Variants in ABRAXAS1 observed in about 807,000 individuals in gnomAD.
ABRAXAS1 encodes the protein BRCA1-A complex subunit Abraxas 1.
Under a neutral mutation model 38.4 loss-of-function variants are expected in ABRAXAS1, and 26 were observed. The observed-to-expected ratio is 0.68, with a 90% CI of 0.50 to 0.94. The LOEUF (loss-of-function observed/expected upper bound fraction) is 0.94, where lower values mean the gene tolerates loss of function less well. Among genes scored for constraint, ABRAXAS1 ranks in the 40% least tolerant of loss-of-function variants. The pLI, the probability that ABRAXAS1 is intolerant of heterozygous loss-of-function variation, is 0.00. For missense variants in ABRAXAS1, 438 were observed against 481.9 expected (o/e 0.91, Z 0.85); for synonymous variants, 144 against 165.5 (o/e 0.87, Z 1.00).
chr4:83,465,414 G>A (rs192421269), intron 7 of ABRAXAS1, among the ~76,000 whole-genome samples: 182 of 151,938 alleles, frequency 1.2e-3, no homozygotes, highest in Non-Finnish European at 2.3e-3. Flanking sequence ...ATGTCACCAT[G>A]ACTATTGACT....
intron 1 of ABRAXAS1, among the ~76,000 whole-genome samples, chr4:83,482,891 T>C (rs1207430747): frequency 1.3e-5 from 2 of 152,054 alleles, no homozygotes; most frequent in Admixed American, 1.3e-4. Context: ...ATATAAGACT[T>C]AAAGCCAGAA....
chr4:83,465,317 A>G (rs1358644787), intron 7 of ABRAXAS1, among the ~76,000 whole-genome samples: 6 of 151,366 alleles, frequency 4.0e-5, no homozygotes, highest in Non-Finnish European at 5.9e-5. Context: ...AAAAAAAAAA[A>G]AAGAAGAAAC....
intron 8 of ABRAXAS1, 50 bp from the exon 9 acceptor site, chr4:83,462,952 C>A: frequency 8.0e-7 from 1 of 1,254,472 alleles, no homozygotes; most frequent in Non-Finnish European, 1.1e-6. Context: ...TTCTACAAAG[C>A]TTTTATAATT....
chr4:83,462,316 T>C lies in ABRAXAS1; in HGVS notation c.*153A>G. 1.6e-6 allele frequency: 1 copy of C among 635,428 alleles called. No individual in the cohort carries two copies. The highest frequency in any genetic ancestry group is 2.7e-6 in the Non-Finnish European group (1 of 374,516). 39.4% of individuals were successfully genotyped at this position (635,428 alleles called of 1,614,324 possible). A position where few individuals can be genotyped will look rare whatever the true frequency, so the allele number is the denominator to read the frequency against. ...TTGAAAAAGTACTTTGTGAAGTAAA[T>C]GCACTAAGAGTTATCTGTGTATTAC... is the stretch of plus-strand genomic sequence containing the variant. On this transcript the variant is annotated 3_prime_UTR_variant, in exon 9 of 9. Transcript: ENST00000321945.
rs112072468 is a variant in ABRAXAS1 at position 83,482,118 on chromosome 4, C to G, written c.178+36G>C. 140 of 1,284,740 alleles carry G rather than the reference C, an allele frequency of 1.1e-4. No individual in the cohort carries two copies. In the African/African-American group the frequency reaches 1.9e-3, roughly 18 times the overall value. The allele number at this position is 1,284,740 out of a possible 1,614,324, so 79.6% of individuals were successfully genotyped here. A position where few individuals can be genotyped will look rare whatever the true frequency, so the allele number is the denominator to read the frequency against. ...CATAAACTATCAAATATAGGAGACA[C>G]AGATGATTCAAATATAGGAGAAATA... is the stretch of plus-strand genomic sequence containing the variant. On this transcript the variant is annotated intron_variant, in intron 2 of 8. Coordinates refer to ENST00000321945, the MANE Select transcript of ABRAXAS1 (RefSeq NM_139076.3).
chr4:83,469,457 C>T (rs557859836), intron 5 of ABRAXAS1: 9 of 261,552 alleles, frequency 3.4e-5, no homozygotes, highest in Non-Finnish European at 6.7e-5. Flanking sequence ...GCTGGGACTA[C>T]AGGCACCCAT....
At chr4:83,474,427 A>T (rs1722692505) in intron 3 of ABRAXAS1, among the ~76,000 whole-genome samples, 1 of 152,112 alleles carries the variant, frequency 6.6e-6, no homozygotes, top group African/African-American at 2.4e-5. Context: ...AATGTAGTAA[A>T]CAAGGCCAGG....
intron 2 of ABRAXAS1, among the ~76,000 whole-genome samples, chr4:83,480,634 C>A (rs1055678075): frequency 6.6e-6 from 1 of 152,076 alleles, no homozygotes; most frequent in Non-Finnish European, 1.5e-5. Context: ...AGATCAAAAA[C>A]CTTACAAGTG....
In ABRAXAS1 at chr4:83,462,902, C is replaced by A. The variant is rs1722192387; in HGVS notation, c.797G>T (p.Arg266Ile). 1 of 1,550,196 alleles carries A rather than the reference C, an allele frequency of 6.5e-7. No individual in the cohort carries two copies. The highest frequency in any genetic ancestry group is 1.3e-5 in the South Asian group (1 of 79,420). ...AGGGTCTTTTTGGATGTTCTTCTCTCCTAAACAAAATAGAATAACAGTTCA... is the reference window on the plus strand; with the variant it reads ...AGGGTCTTTTTGGATGTTCTTCTCTACTAAACAAAATAGAATAACAGTTCA... ...KRRGAQIQAA[R>I]EKNIQKDPQE... The change falls in exon 9 of 9, where the codon AGA becomes ATA. Residue 266 changes from arginine (R) to isoleucine (I), a missense_variant and splice_region_variant. Physicochemically the swap from Arg to Ile is moderately conservative, Grantham distance 97. Around this residue, in one of 3 missense-constraint regions of ABRAXAS1, gnomAD observed 184 missense variants for 181.9 expected, o/e 1.01. Transcript: ENST00000321945.
chr4:83,463,561 T>C lies in ABRAXAS1; in HGVS notation c.729A>G (p.Leu243=), dbSNP rs1398272311. The C allele has an allele frequency of 6.2e-7, 1 of 1,611,788 alleles. No homozygotes were observed. The highest frequency in any genetic ancestry group is 1.3e-5 in the African/African-American group (1 of 74,836). Residue 243 remains leucine (L), a synonymous_variant, in exon 8 of 9, where the codon CTA becomes CTG. Transcript: ENST00000321945. ...GTTTTAATCTGTTTACATCCTTTAC[T>C]AGTTTATCTACTGCTTGTTCACTGT... ...VEDSEQAVDK[L]VKDVNRLKRE...
chr4:83,464,613 CT>C (rs1181955105), intron 7 of ABRAXAS1, among the ~76,000 whole-genome samples: 1 of 152,130 alleles, frequency 6.6e-6, no homozygotes, highest in Non-Finnish European at 1.5e-5. Flanking sequence ...TTTTTACAAA[CT>C]TTTTTTGCCC....
In ABRAXAS1 at chr4:83,462,831, T is replaced by C. The variant is rs756357242; in HGVS notation, c.868A>G (p.Asn290Asp). 2 of 1,610,048 alleles carry C rather than the reference T, an allele frequency of 1.2e-6. No individual in the cohort carries two copies. The highest frequency in any genetic ancestry group is 1.1e-5 in the South Asian group (1 of 89,802). The part of the protein sequence containing the change: ...LCQALRTFFP[N>D]SEFLHSCVMS... ...ACACATGAATGAAGAAATTCAGAAT[T>C]TGGAAAAAAGGTCCGTAATGCCTGA... Residue 290 changes from asparagine to aspartate, a missense_variant, in exon 9 of 9, where the codon AAT (asparagine) becomes GAT (aspartate). Physicochemically the swap from Asn to Asp is conservative, Grantham distance 23. Coordinates refer to ENST00000321945, the MANE Select transcript of ABRAXAS1 (RefSeq NM_139076.3).
At chr4:83,474,758 C>A (rs989372216) in intron 3 of ABRAXAS1, among the ~76,000 whole-genome samples, 13 of 151,110 alleles carry the variant, frequency 8.6e-5, no homozygotes, top group African/African-American at 3.2e-4. Flanking sequence ...TCGAGGGCCA[C>A]ATAAAAACTA....
At chr4:83,481,196 C>G (rs1170247858) in intron 2 of ABRAXAS1, among the ~76,000 whole-genome samples, 1 of 151,912 alleles carries the variant, frequency 6.6e-6, no homozygotes, top group Non-Finnish European at 1.5e-5. Flanking sequence ...GTAAAGTGAT[C>G]ATGACACAAT....
chr4:83,464,502 G>GA (rs1474922512), intron 7 of ABRAXAS1, among the ~76,000 whole-genome samples: 1 of 152,104 alleles, frequency 6.6e-6, no homozygotes, highest in Non-Finnish European at 1.5e-5. Context: ...GGGGAGGGGA[G>GA]AACAACTAAT....
At chr4:83,472,829 G>A (rs1420155731) in intron 3 of ABRAXAS1, among the ~76,000 whole-genome samples, 2 of 152,196 alleles carry the variant, frequency 1.3e-5, no homozygotes, top group East Asian at 1.9e-4. Flanking sequence ...TATCCAAAAT[G>A]TAGGAAGAAT....
chr4:83,481,299 C>T (rs1722993004), intron 2 of ABRAXAS1, among the ~76,000 whole-genome samples: 1 of 151,998 alleles, frequency 6.6e-6, no homozygotes, highest in African/African-American at 2.4e-5. Context: ...AATCAGAAAA[C>T]TCCCTATACA....
Position 83,459,975 on chromosome 4 carries a change from T to G in ABRAXAS1, c.*2494A>C, listed in dbSNP as rs892222549. 9.4e-5 allele frequency: 49 copies of G among 521,530 alleles called. No homozygotes were observed. Among genetic ancestry groups the G allele is most frequent in the South Asian group, 4.8e-4 (16 of 33,366 alleles). The allele number at this position is 521,530 out of a possible 1,614,324, so 32.3% of individuals were successfully genotyped here. A position where few individuals can be genotyped will look rare whatever the true frequency, so the allele number is the denominator to read the frequency against. ...CTCTTAGGCCAAGAGGATTATTATT[T>G]TGCTGTCTTATGCAGAGTTAACTAT... On this transcript the variant is annotated 3_prime_UTR_variant, in exon 9 of 9. Coordinates refer to ENST00000321945, the MANE Select transcript of ABRAXAS1 (RefSeq NM_139076.3).
intron 5 of ABRAXAS1, chr4:83,469,481 T>A (rs1416198123): frequency 4.3e-6 from 1 of 233,758 alleles, no homozygotes; most frequent in African/African-American, 2.3e-5. Flanking sequence ...CACACCCGAC[T>A]AATTTTTAAG....
Sources: allele counts gnomAD v4.1 joint callset (sites outside exome capture counted in the v4.1 genomes callset), GRCh38; gene constraint gnomAD v4.1.1; regional missense constraint gnomAD v4.1.1; transcripts MANE v1.5; gene names NCBI Gene and HGNC (gene_info 2026-07-23, HGNC 2026-07-21).